The following RSRP1 variants were observed in gnomAD, a reference collection of about 807,000 sequenced individuals.
The protein encoded by RSRP1 is arginine/serine-rich protein 1.
RSRP1 carries 37 observed loss-of-function variants against 33.0 expected under a neutral mutation model. The ratio of observed to expected loss-of-function variants is 1.12; its 90% confidence interval spans 0.86 to 1.48. The LOEUF (loss-of-function observed/expected upper bound fraction) is 1.48, where lower values mean the gene tolerates loss of function less well. RSRP1 is among the 40% of genes most tolerant of loss of function. The pLI is 0.00. For synonymous variants in RSRP1, 167 were observed against 158.7 expected, an observed-to-expected ratio of 1.05 and a Z score of -0.40; for missense variants, 402 against 385.3, an observed-to-expected ratio of 1.04 and a Z score of -0.36.
At chr1:25,251,262 A>C (rs1205448647), upstream of RSRP1, among the ~76,000 whole-genome samples, 2 of 152,236 alleles carry the variant, frequency 1.3e-5, no homozygotes, top group African/African-American at 4.8e-5. Context: ...CTCCTCACCT[A>C]TAGAACTATG....
chr1:25,285,077 A>G (rs1641849385), intron 1 of RSRP1, among the ~76,000 whole-genome samples: 1 of 134,408 alleles, frequency 7.4e-6, no homozygotes, highest in Non-Finnish European at 1.8e-5. Flanking sequence ...GGAAAACGTA[A>G]GAAGGAAACA....
chr1:25,278,936 G>A lies in RSRP1; in HGVS notation c.-66-31907C>T, dbSNP rs1293186784. ...GCTGCAGTGGTCTTTCCAGGCAGCA[G>A]TGGGAGCACAGGGTGGAGGTCAACC... On this transcript the variant is annotated intron_variant, in intron 1 of 1. Coordinates refer to the RSRP1 transcript ENST00000561867. Among the ~76,000 whole-genome samples the A allele has an allele frequency of 8.5e-5, 11 of 129,518 alleles. 3 individuals carry two copies. Among genetic ancestry groups the A allele is most frequent in the East Asian group, 2.0e-4 (1 of 5,092 alleles). The allele number at this position is 129,518 out of a possible 152,430, so 85.0% of individuals were successfully genotyped here. A position where few individuals can be genotyped will look rare whatever the true frequency, so the allele number is the denominator to read the frequency against.
intron 1 of RSRP1, among the ~76,000 whole-genome samples, chr1:25,278,173 A>C (rs1158792430): frequency 7.7e-6 from 1 of 129,298 alleles, no homozygotes; most frequent in East Asian, 2.0e-4. Context: ...TTTAGGAGAT[A>C]AGTCAGCTGT....
rs540951310 is a variant in RSRP1, at chr1:25,267,871, G to C, written c.-66-20842C>G. 6.8e-5 allele frequency: 9 copies of C among 131,646 alleles called. 3 individuals are homozygous for C. Among genetic ancestry groups the C allele is most frequent in the African/African-American group, 2.1e-4 (8 of 38,676 alleles). The allele number at this position is 131,646 out of a possible 1,614,324, so 8.2% of individuals were successfully genotyped here. A position where few individuals can be genotyped will look rare whatever the true frequency, so the allele number is the denominator to read the frequency against. ...CTCCCGACGTCCAGCTGTGAACCCAGAGCGGCGGAAAGCCCCTGAACCCAG... is the reference window on the plus strand; with the variant it reads ...CTCCCGACGTCCAGCTGTGAACCCACAGCGGCGGAAAGCCCCTGAACCCAG... On this transcript the variant is annotated intron_variant, in intron 1 of 1. Transcript: ENST00000561867.
In RSRP1 at chr1:25,318,443, C is replaced by T. The variant is rs1644523797; in HGVS notation, c.-67+19535G>A. The stretch of plus-strand genomic sequence containing the variant: ...TCTCTACCAGAAATACAAAAATTAG[C>T]CAGGCGTGGTGGCGTGTGCCTGTAG... On this transcript the variant is annotated intron_variant, in intron 1 of 1. Coordinates refer to the RSRP1 transcript ENST00000561867. 1.5e-5 allele frequency among the ~76,000 whole-genome samples: 2 copies of T among 130,540 alleles called. 1 individual carries two copies. Among genetic ancestry groups the T allele is most frequent in the Non-Finnish European group, 3.6e-5 (2 of 55,068 alleles). 85.6% of individuals were successfully genotyped at this position (130,540 alleles called of 152,430 possible). A position where few individuals can be genotyped will look rare whatever the true frequency, so the allele number is the denominator to read the frequency against.
rs1640476688 is a variant in RSRP1, at chr1:25,270,790, C to T, written c.-66-23761G>A. ...TCATTTGTAATAAATCCTAATAGTA[C>T]CCATCCCAGTGTCATGAACTAAGTT... On this transcript the variant is annotated intron_variant, in intron 1 of 1. Transcript: ENST00000561867. 1.5e-5 allele frequency among the ~76,000 whole-genome samples: 2 copies of T among 131,814 alleles called. 1 individual carries two copies. The highest frequency in any genetic ancestry group is 3.6e-5 in the Non-Finnish European group (2 of 55,688). 86.5% of individuals were successfully genotyped at this position (131,814 alleles called of 152,430 possible).
Position 25,303,832 on chromosome 1 carries a change from C to T in RSRP1, c.-67+34146G>A, listed in dbSNP as rs1643588789. 1.5e-5 allele frequency among the ~76,000 whole-genome samples: 2 copies of T among 129,614 alleles called. 1 individual carries two copies. The highest frequency in any genetic ancestry group is 1.5e-4 in the Admixed American group (2 of 13,408). The allele number at this position is 129,614 out of a possible 152,430, so 85.0% of individuals were successfully genotyped here. A position where few individuals can be genotyped will look rare whatever the true frequency, so the allele number is the denominator to read the frequency against. On this transcript the variant is annotated intron_variant, in intron 1 of 1. Transcript: ENST00000561867. ...TTACTCTATAGACATGCTTCCTCCT[C>T]TTTCACCCCACATTGTGGGGTGTAG...
At chr1:25,302,570 A>T (rs1643471556) in intron 1 of RSRP1, among the ~76,000 whole-genome samples, 2 of 129,868 alleles carry the variant, frequency 1.5e-5, no homozygotes, top group East Asian at 3.9e-4. Context: ...GTGAGAGCTG[A>T]GGGTGTCAGA....
rs770567693 is a variant in RSRP1 at position 25,289,532 on chromosome 1, A to G, written c.-66-42503T>C. 4.8e-4 allele frequency among the ~76,000 whole-genome samples: 63 copies of G among 130,804 alleles called. 19 individuals carry two copies. The highest frequency in any genetic ancestry group is 1.0e-3 in the Non-Finnish European group (55 of 55,254). 85.8% of individuals were successfully genotyped at this position (130,804 alleles called of 152,430 possible). A position where few individuals can be genotyped will look rare whatever the true frequency, so the allele number is the denominator to read the frequency against. On this transcript the variant is annotated intron_variant, in intron 1 of 1. Coordinates refer to the RSRP1 transcript ENST00000561867. ...AATTTAAAAGAGGTGATGCTGTTAC[A>G]AGCCTGTTTTACAAAATGCTCTTAT... is the stretch of plus-strand genomic sequence containing the variant.
chr1:25,271,020 C>G (rs1336900506), intron 1 of RSRP1, among the ~76,000 whole-genome samples: 1 of 130,406 alleles, frequency 7.7e-6, no homozygotes, highest in East Asian at 2.0e-4. Context: ...AGTCTATCCT[C>G]TGTGTCAGTT....
intron 1 of RSRP1, chr1:25,301,759 C>T: frequency 9.2e-7 from 1 of 1,087,496 alleles, no homozygotes; most frequent in Non-Finnish European, 1.4e-6. Context: ...CCCCTCCCCA[C>T]CCCAGGGCCA....
rs1640940977 is a variant in RSRP1 at position 25,276,188 on chromosome 1, G to A, written c.-66-29159C>T. ...GTTAGGTATGATAAAAGCATGGTGGGTTGTTTTTGTTTTTGTTTTTTAAGT... is the reference window on the plus strand; with the variant it reads ...GTTAGGTATGATAAAAGCATGGTGGATTGTTTTTGTTTTTGTTTTTTAAGT... On this transcript the variant is annotated intron_variant, in intron 1 of 1. Coordinates refer to the RSRP1 transcript ENST00000561867. Among the ~76,000 whole-genome samples, 2 of 130,876 alleles carry A rather than the reference G, an allele frequency of 1.5e-5. 1 individual carries two copies. The highest frequency in any genetic ancestry group is 4.6e-4 in the South Asian group (2 of 4,340). The allele number at this position is 130,876 out of a possible 152,430, so 85.9% of individuals were successfully genotyped here.
chr1:25,319,994 G>A (rs1644611494), intron 1 of RSRP1, among the ~76,000 whole-genome samples: 1 of 131,544 alleles, frequency 7.6e-6, no homozygotes, highest in Non-Finnish European at 1.8e-5. Flanking sequence ...AGCCTCCTGG[G>A]TTCAAGTGAT....
At chr1:25,309,829 G>C (rs1395002093) in intron 1 of RSRP1, among the ~76,000 whole-genome samples, 1 of 132,580 alleles carries the variant, frequency 7.5e-6, no homozygotes, top group African/African-American at 2.6e-5. Flanking sequence ...TGAGGGTCTC[G>C]CCAGGGGAGA....
intron 1 of RSRP1, among the ~76,000 whole-genome samples, chr1:25,281,658 C>G (rs1557517317): frequency 7.6e-6 from 1 of 130,856 alleles, no homozygotes; most frequent in Non-Finnish European, 1.8e-5. Context: ...GCCACACACC[C>G]CCATTCCTAA....
chr1:25,259,610 C>G (rs1315588556), intron 1 of RSRP1, among the ~76,000 whole-genome samples: 1 of 152,044 alleles, frequency 6.6e-6, no homozygotes, highest in East Asian at 1.9e-4. Flanking sequence ...TCAAGTGATT[C>G]TCCTGCCTCA....
rs1292293621 is a variant in RSRP1 at position 25,277,832 on chromosome 1, G to A, written c.-66-30803C>T. ...TGGGATTACAGGCATGCGCCACCAC[G>A]CCCGGCTAATTTTGTATTTTTAGTA... On this transcript the variant is annotated intron_variant, in intron 1 of 1. Transcript: ENST00000561867. Among the ~76,000 whole-genome samples the A allele has an allele frequency of 4.0e-5, 5 of 125,440 alleles. 1 individual carries two copies. Among genetic ancestry groups the A allele is most frequent in the African/African-American group, 1.4e-4 (5 of 36,988 alleles). The allele number at this position is 125,440 out of a possible 152,430, so 82.3% of individuals were successfully genotyped here. A position where few individuals can be genotyped will look rare whatever the true frequency, so the allele number is the denominator to read the frequency against.
chr1:25,323,570 C>T (rs1273575657), intron 1 of RSRP1, among the ~76,000 whole-genome samples: 1 of 125,782 alleles, frequency 8.0e-6, no homozygotes, highest in African/African-American at 2.8e-5. Flanking sequence ...GGAGATCCTC[C>T]CCCCTCAGCC....
At chr1:25,332,794 G>A (rs1645035024) in intron 1 of RSRP1, among the ~76,000 whole-genome samples, 1 of 132,416 alleles carries the variant, frequency 7.6e-6, no homozygotes, top group South Asian at 2.3e-4. Flanking sequence ...ACGTAGTCAG[G>A]GTTCCCCAGA....
Sources: allele counts gnomAD v4.1 joint callset (sites outside exome capture counted in the v4.1 genomes callset), GRCh38; gene constraint gnomAD v4.1.1; transcripts MANE v1.5; gene names NCBI Gene and HGNC (gene_info 2026-07-23, HGNC 2026-07-21).